The following GRIN2A variants were observed in gnomAD, a reference collection of about 807,000 sequenced individuals.
GRIN2A encodes the protein glutamate receptor ionotropic, NMDA 2A.
In GRIN2A, 22 loss-of-function variants were observed where a neutral mutation model predicts 113.4. That is an observed-to-expected ratio of 0.19 (90% CI 0.14 to 0.28). The LOEUF is 0.28. Ranked by LOEUF, GRIN2A falls within the 10% of genes least tolerant of loss-of-function variation. The probability of loss-of-function intolerance (pLI) is 1.00; values close to 1 mark genes in which losing one functional copy is unlikely to be tolerated. For synonymous variants in GRIN2A, 827 were observed against 738.4 expected (o/e 1.12, Z -1.94); for missense variants, 1,502 against 1,887.0 (o/e 0.80, Z 3.78).
intron 4 of GRIN2A, among the ~76,000 whole-genome samples, chr16:9,874,506 G>A (rs2043327617): frequency 6.6e-6 from 1 of 152,164 alleles, no homozygotes; most frequent in African/African-American, 2.4e-5. Context: ...AACGCTGGGG[G>A]CACATCCACT....
intron 2 of GRIN2A, among the ~76,000 whole-genome samples, chr16:10,055,644 G>C (rs1164888582): frequency 6.6e-6 from 1 of 152,174 alleles, no homozygotes; most frequent in Admixed American, 6.5e-5. Flanking sequence ...GGCAAACTCA[G>C]TCACTTCAAT....
At chr16:10,144,378 G>A (rs572425368) in intron 2 of GRIN2A, among the ~76,000 whole-genome samples, 8 of 152,210 alleles carry the variant, frequency 5.3e-5, no homozygotes, top group Admixed American at 3.3e-4. Flanking sequence ...ACAGTCACTC[G>A]TTGTGGTTTT....
chr16:9,926,606 T>C (rs1225921655), intron 3 of GRIN2A, among the ~76,000 whole-genome samples: 1 of 152,196 alleles, frequency 6.6e-6, no homozygotes, highest in African/African-American at 2.4e-5. Context: ...ATCAAGTTCT[T>C]GTTTTGGAAA....
intron 2 of GRIN2A, among the ~76,000 whole-genome samples, chr16:10,059,166 C>A (rs1445936614): frequency 6.6e-6 from 1 of 152,140 alleles, no homozygotes; most frequent in South Asian, 2.1e-4. Flanking sequence ...AAAGATGGAG[C>A]AGCTGCAGAT....
chr16:10,130,197 C>G (rs1350231513), intron 2 of GRIN2A, among the ~76,000 whole-genome samples: 1 of 152,146 alleles, frequency 6.6e-6, no homozygotes. Flanking sequence ...AGACTTGGAA[C>G]GCTGGTCCCT....
chr16:10,104,115 G>C (rs917054600), intron 2 of GRIN2A, among the ~76,000 whole-genome samples: 1 of 152,060 alleles, frequency 6.6e-6, no homozygotes, highest in African/African-American at 2.4e-5. Flanking sequence ...AGAGGCAAAG[G>C]GTTGTTATTT....
chr16:9,896,930 T>A (rs997656606), intron 3 of GRIN2A, among the ~76,000 whole-genome samples: 9 of 152,198 alleles, frequency 5.9e-5, no homozygotes, highest in African/African-American at 1.9e-4. Flanking sequence ...AACAGTAAAA[T>A]CTTGTCATTG....
intron 11 of GRIN2A, among the ~76,000 whole-genome samples, chr16:9,774,960 A>G (rs1295042231): frequency 6.6e-6 from 1 of 152,206 alleles, no homozygotes; most frequent in Non-Finnish European, 1.5e-5. Context: ...ACTCTCTTAT[A>G]TCCAAAGTAA....
intron 10 of GRIN2A, among the ~76,000 whole-genome samples, chr16:9,813,177 T>C (rs1206910346): frequency 6.6e-6 from 1 of 152,236 alleles, no homozygotes; most frequent in Non-Finnish European, 1.5e-5. Context: ...CAGTAAAAGC[T>C]AAATTAATTA....
At chr16:10,169,375 C>T (rs967491869) in intron 2 of GRIN2A, among the ~76,000 whole-genome samples, 12 of 152,166 alleles carry the variant, frequency 7.9e-5, no homozygotes, top group African/African-American at 2.9e-4. Context: ...AGCAATTTTG[C>T]TCAGTGGCAA....
rs538620479 is a variant in GRIN2A, at chr16:9,958,396, C to T, written c.415-19845G>A. Among the ~76,000 whole-genome samples, 7 of 152,146 alleles carry T rather than the reference C, an allele frequency of 4.6e-5. No homozygotes were observed. The South Asian group carries it at 1.2e-3, about 27-fold the overall frequency. ...AGACCGTGAATTGCCAAATTTACTACTCCTCATGCCCATCAATGACCACAC... is the reference window on the plus strand; with the variant it reads ...AGACCGTGAATTGCCAAATTTACTATTCCTCATGCCCATCAATGACCACAC... On this transcript the variant is annotated intron_variant, in intron 2 of 12. Coordinates refer to ENST00000330684, the MANE Select transcript of GRIN2A (RefSeq NM_001134407.3).
intron 2 of GRIN2A, among the ~76,000 whole-genome samples, chr16:10,006,172 G>A (rs1273622305): frequency 3.9e-5 from 6 of 152,198 alleles, no homozygotes; most frequent in South Asian, 2.1e-4. Flanking sequence ...AACTGCAGTC[G>A]TAGAAGTCAC....
chr16:10,120,914 G>A (rs1259327482), intron 2 of GRIN2A, among the ~76,000 whole-genome samples: 3 of 151,446 alleles, frequency 2.0e-5, no homozygotes, highest in African/African-American at 7.3e-5. Context: ...GCTGTCCCCT[G>A]ATCCTTCCTA....
chr16:9,872,418 T>G (rs1249161073), intron 4 of GRIN2A, among the ~76,000 whole-genome samples: 1 of 152,202 alleles, frequency 6.6e-6, no homozygotes, highest in African/African-American at 2.4e-5. Flanking sequence ...GCATTGATTT[T>G]GTATTTTGGG....
chr16:9,882,158 G>A (rs989032257), intron 4 of GRIN2A, among the ~76,000 whole-genome samples: 3 of 152,122 alleles, frequency 2.0e-5, no homozygotes, highest in Non-Finnish European at 4.4e-5. Context: ...GCTAAATGTG[G>A]TAGTAGTGAT....
At chr16:10,028,475 G>C (rs890811028) in intron 2 of GRIN2A, among the ~76,000 whole-genome samples, 8 of 152,122 alleles carry the variant, frequency 5.3e-5, no homozygotes, top group African/African-American at 1.9e-4. Flanking sequence ...ACAGGATGTG[G>C]GCCAGAGTTT....
At chr16:10,044,153 C>T (rs534452264) in intron 2 of GRIN2A, among the ~76,000 whole-genome samples, 53 of 151,470 alleles carry the variant, frequency 3.5e-4, no homozygotes, top group African/African-American at 1.3e-3. Context: ...TCCCAGGTCC[C>T]GGTTCAAGCA....
At chr16:10,005,225 A>T (rs1463414712) in intron 2 of GRIN2A, among the ~76,000 whole-genome samples, 1 of 152,194 alleles carries the variant, frequency 6.6e-6, no homozygotes, top group Non-Finnish European at 1.5e-5. Context: ...ATTTTAAATA[A>T]CTATTGATAT....
chr16:9,988,485 T>C (rs1002323551), intron 2 of GRIN2A, among the ~76,000 whole-genome samples: 1 of 152,052 alleles, frequency 6.6e-6, no homozygotes, highest in Non-Finnish European at 1.5e-5. Context: ...CAAGTCTATA[T>C]CAAATCCCCA....
Sources: gnomAD v4.1 joint callset for allele counts (sites outside exome capture counted in the v4.1 genomes callset) on GRCh38, gnomAD v4.1.1 for gene constraint, MANE v1.5 for transcripts, NCBI Gene and HGNC (gene_info 2026-07-23, HGNC 2026-07-21) for gene names.